The following FGF14 variants were observed in gnomAD, a reference collection of about 807,000 sequenced individuals.
FGF14 encodes fibroblast growth factor 14, also known as fibroblast growth factor homologous factor 4.
In FGF14, 5 loss-of-function variants were observed where a neutral mutation model predicts 25.5. The ratio of observed to expected loss-of-function variants is 0.20; its 90% CI spans 0.10 to 0.41. The LOEUF is 0.41. Among genes scored for constraint, FGF14 ranks in the 10% least tolerant of loss-of-function variants. FGF14 has a pLI of 1.00. For synonymous variants in FGF14, 138 were observed against 118.3 expected (o/e 1.17, Z -1.08); for missense variants, 222 against 320.1 (o/e 0.69, Z 2.34).
At chr13:101,946,149 A>T (rs763832695) in intron 1 of FGF14, among the ~76,000 whole-genome samples, 3 of 151,762 alleles carry the variant, frequency 2.0e-5, no homozygotes, top group Non-Finnish European at 4.4e-5. Flanking sequence ...CGTGTTTAAG[A>T]TCTCCTTATT....
chr13:101,787,997 G>A (rs1216212843), intron 3 of FGF14, among the ~76,000 whole-genome samples: 2 of 152,080 alleles, frequency 1.3e-5, no homozygotes, highest in Admixed American at 6.5e-5. Flanking sequence ...TCAGCCTCCC[G>A]AGTAGCTGGG....
In FGF14 at chr13:102,068,487, C is replaced by T. The variant is rs529935850; in HGVS notation, c.209-193191G>A. ...GTAGGTGTGGAGGGAGAGGCGCGAGCGGGAACCAGGGCTGCGTACAGTGCT... is the reference window on the plus strand; with the variant it reads ...GTAGGTGTGGAGGGAGAGGCGCGAGTGGGAACCAGGGCTGCGTACAGTGCT... On this transcript the variant is annotated intron_variant, in intron 1 of 4. Transcript: ENST00000376131. 1.6e-4 allele frequency among the ~76,000 whole-genome samples: 24 copies of T among 152,274 alleles called. No homozygotes were observed. In the East Asian group the frequency reaches 4.1e-3, roughly 26 times the overall value.
At chr13:102,190,931 T>A (rs889006063) in intron 1 of FGF14, among the ~76,000 whole-genome samples, 4 of 152,036 alleles carry the variant, frequency 2.6e-5, no homozygotes, top group African/African-American at 7.2e-5. Context: ...CACAATAGCT[T>A]TGAAAACCAA....
At chr13:101,746,472 C>G (rs1375796834) in intron 3 of FGF14, among the ~76,000 whole-genome samples, 3 of 151,862 alleles carry the variant, frequency 2.0e-5, no homozygotes, top group Non-Finnish European at 4.4e-5. Context: ...GTGCTTCCCC[C>G]CAAAAATGTT....
At chr13:101,965,752 T>G (rs1038291784) in intron 1 of FGF14, among the ~76,000 whole-genome samples, 24 of 151,892 alleles carry the variant, frequency 1.6e-4, no homozygotes, top group Non-Finnish European at 3.5e-4. Flanking sequence ...AGAAGTCAAT[T>G]TACTTTAAGT....
At chr13:102,229,039 T>C (rs1351972056) in intron 1 of FGF14, among the ~76,000 whole-genome samples, 1 of 152,156 alleles carries the variant, frequency 6.6e-6, no homozygotes, top group Non-Finnish European at 1.5e-5. Context: ...AAGCAGAATA[T>C]CTGTTTTTCT....
chr13:101,763,731 A>G (rs1319185405), intron 3 of FGF14, among the ~76,000 whole-genome samples: 1 of 152,068 alleles, frequency 6.6e-6, no homozygotes. Context: ...GTGGTGATGC[A>G]CACCCGTAAT....
chr13:102,026,241 T>C (rs950658286), intron 1 of FGF14, among the ~76,000 whole-genome samples: 1 of 152,026 alleles, frequency 6.6e-6, no homozygotes, highest in Non-Finnish European at 1.5e-5. Context: ...GTATATTAAA[T>C]TGAAGAATGT....
At chr13:102,268,768 G>A (rs2053114219) in intron 1 of FGF14, among the ~76,000 whole-genome samples, 1 of 151,828 alleles carries the variant, frequency 6.6e-6, no homozygotes, top group Admixed American at 6.6e-5. Context: ...AAATACATGA[G>A]GGGAAAACAT....
chr13:102,060,500 T>C (rs972030530), intron 1 of FGF14, among the ~76,000 whole-genome samples: 3 of 152,246 alleles, frequency 2.0e-5, no homozygotes, highest in African/African-American at 7.2e-5. Context: ...CACTTCAGCC[T>C]GGGCAATAGA....
At chr13:101,820,791 CA>C (rs1391792403) in intron 3 of FGF14, among the ~76,000 whole-genome samples, 6 of 35,682 alleles carry the variant, frequency 1.7e-4, no homozygotes, top group African/African-American at 4.2e-4. Context: ...CACACACACA[CA>C]CACACACACA....
At chr13:101,753,516 C>T (rs2037437139) in intron 3 of FGF14, among the ~76,000 whole-genome samples, 1 of 151,982 alleles carries the variant, frequency 6.6e-6, no homozygotes, top group Non-Finnish European at 1.5e-5. Flanking sequence ...ATTAAAATTT[C>T]CTTGTTGGCC....
At chr13:102,163,014 C>T (rs1594229589) in intron 1 of FGF14, among the ~76,000 whole-genome samples, 1 of 152,256 alleles carries the variant, frequency 6.6e-6, no homozygotes, top group Admixed American at 6.5e-5. Flanking sequence ...TCTAAACAAG[C>T]ATGCTGTAAA....
chr13:102,028,705 G>C (rs748689366), intron 1 of FGF14, among the ~76,000 whole-genome samples: 1 of 150,838 alleles, frequency 6.6e-6, no homozygotes, highest in Non-Finnish European at 1.5e-5. Context: ...AGGGAATATG[G>C]GGTTTTTTTT....
rs150609193 is a variant in FGF14 at position 102,119,644 on chromosome 13, G to T, written c.209-244348C>A. ...AAATAATATATATGTATGTCTGTGTGCATATATATATTCTATATTCACGCA... is the reference window on the plus strand; with the variant it reads ...AAATAATATATATGTATGTCTGTGTTCATATATATATTCTATATTCACGCA... On this transcript the variant is annotated intron_variant, in intron 1 of 4. Transcript: ENST00000376131. Among the ~76,000 whole-genome samples, 991 of 152,174 alleles carry T rather than the reference G, an allele frequency of 6.5e-3. 5 individuals are homozygous for T. Among genetic ancestry groups the T allele is most frequent in the Middle Eastern group, 0.027 (8 of 294 alleles).
intron 3 of FGF14, among the ~76,000 whole-genome samples, chr13:101,740,758 A>T (rs908744421): frequency 6.6e-6 from 1 of 152,020 alleles, no homozygotes; most frequent in Non-Finnish European, 1.5e-5. Flanking sequence ...GTAATTTTCC[A>T]CAATGTTGCA....
chr13:102,208,865 C>T (rs1477509014), intron 1 of FGF14, among the ~76,000 whole-genome samples: 1 of 152,028 alleles, frequency 6.6e-6, no homozygotes, highest in African/African-American at 2.4e-5. Flanking sequence ...GTAACACAAA[C>T]AATATAAAAA....
chr13:101,759,385 C>T (rs1887695), intron 3 of FGF14, among the ~76,000 whole-genome samples: 59,980 of 151,986 alleles, frequency 0.39, 14,080 homozygotes, highest in Non-Finnish European at 0.52. Flanking sequence ...AAGATCATAA[C>T]GCATCAGTGG....
chr13:101,990,632 G>A (rs2038849174), intron 1 of FGF14, among the ~76,000 whole-genome samples: 1 of 152,074 alleles, frequency 6.6e-6, no homozygotes, highest in Non-Finnish European at 1.5e-5. Context: ...CATCAGTATG[G>A]GGCTTTGGGG....
Sources: gnomAD v4.1 joint callset for allele counts (sites outside exome capture counted in the v4.1 genomes callset) on GRCh38, gnomAD v4.1.1 for gene constraint, MANE v1.5 for transcripts, NCBI Gene and HGNC (gene_info 2026-07-23, HGNC 2026-07-21) for gene names.